Variants in OPCML observed in about 807,000 individuals in gnomAD.
OPCML encodes the protein opioid-binding protein/cell adhesion molecule.
OPCML carries 13 observed loss-of-function variants against 37.8 expected under a neutral mutation model. The observed-to-expected ratio is 0.34, with a 90% confidence interval of 0.22 to 0.55. The LOEUF (loss-of-function observed/expected upper bound fraction) is 0.55, where lower values mean the gene tolerates loss of function less well. Among genes scored for constraint, OPCML ranks in the 20% least tolerant of loss-of-function variants. OPCML has a pLI of 0.91. For synonymous variants in OPCML, 176 were observed against 168.8 expected (o/e 1.04, Z -0.33); for missense variants, 341 against 435.6 (o/e 0.78, Z 1.93).
intron 3 of OPCML, among the ~76,000 whole-genome samples, chr11:132,646,719 C>T (rs1171332263): frequency 3.3e-5 from 5 of 152,044 alleles, no homozygotes; most frequent in Non-Finnish European, 7.4e-5. Flanking sequence ...ATGGTGTTTC[C>T]ATGAATAGAA....
At chr11:132,551,138 G>C (rs561323802) in intron 3 of OPCML, among the ~76,000 whole-genome samples, 78 of 152,320 alleles carry the variant, frequency 5.1e-4, no homozygotes, top group Non-Finnish European at 9.4e-4. Context: ...CAATTCCCCT[G>C]TCTTGAACTT....
At chr11:132,455,802 T>TAC (rs1214425991) in intron 4 of OPCML, among the ~76,000 whole-genome samples, 1 of 126,518 alleles carries the variant, frequency 7.9e-6, no homozygotes, top group African/African-American at 3.0e-5. Flanking sequence ...TTCATTCATA[T>TAC]GTAAGGCATA....
At chr11:133,484,790 T>A (rs1378260432) in intron 1 of OPCML, among the ~76,000 whole-genome samples, 1 of 152,086 alleles carries the variant, frequency 6.6e-6, no homozygotes, top group African/African-American at 2.4e-5. Context: ...CAAAGATTTA[T>A]CAATGATAAG....
intron 1 of OPCML, among the ~76,000 whole-genome samples, chr11:133,051,608 CTA>C (rs1266220013): frequency 6.6e-6 from 1 of 152,194 alleles, no homozygotes; most frequent in Non-Finnish European, 1.5e-5. Flanking sequence ...CAGCACATGG[CTA>C]TCTCTTGATG....
At chr11:132,883,204 C>T (rs998619719) in intron 2 of OPCML, among the ~76,000 whole-genome samples, 1 of 151,554 alleles carries the variant, frequency 6.6e-6, no homozygotes, top group Non-Finnish European at 1.5e-5. Context: ...GAGAAGGCAG[C>T]AGTAAAATAG....
chr11:132,465,518 C>A (rs545251950), intron 4 of OPCML, among the ~76,000 whole-genome samples: 2 of 151,034 alleles, frequency 1.3e-5, no homozygotes, highest in South Asian at 2.1e-4. Flanking sequence ...TTTATTTAAT[C>A]AATTTTTCGA....
intron 3 of OPCML, among the ~76,000 whole-genome samples, chr11:132,595,010 T>C (rs1318922594): frequency 3.9e-5 from 6 of 152,216 alleles, no homozygotes; most frequent in Non-Finnish European, 7.3e-5. Flanking sequence ...CATTGAGTTG[T>C]TGGGCTACAT....
chr11:133,341,921 G>GA (rs140775649), intron 1 of OPCML, among the ~76,000 whole-genome samples: 10,944 of 147,016 alleles, frequency 0.074, 427 homozygotes, highest in African/African-American at 0.089. Context: ...CCATTTTGGG[G>GA]AAAAAAAAAA....
At chr11:133,042,617 T>C (rs1456890033) in intron 1 of OPCML, among the ~76,000 whole-genome samples, 2 of 152,182 alleles carry the variant, frequency 1.3e-5, no homozygotes, top group African/African-American at 4.8e-5. Context: ...GTAACACTGT[T>C]AGTGAGCGGT....
chr11:133,436,113 T>C (rs1946227755), intron 1 of OPCML, among the ~76,000 whole-genome samples: 1 of 152,100 alleles, frequency 6.6e-6, no homozygotes, highest in Non-Finnish European at 1.5e-5. Flanking sequence ...GTTTTAAAAC[T>C]AGCAATAAAT....
intron 1 of OPCML, among the ~76,000 whole-genome samples, chr11:133,487,434 G>A (rs1947553725): frequency 1.3e-5 from 2 of 152,078 alleles, no homozygotes; most frequent in South Asian, 4.1e-4. Flanking sequence ...TTGTGATCAG[G>A]TCTCAGCTAA....
At chr11:132,964,015 G>A (rs1247404575) in intron 1 of OPCML, among the ~76,000 whole-genome samples, 1 of 152,134 alleles carries the variant, frequency 6.6e-6, no homozygotes, top group African/African-American at 2.4e-5. Context: ...TCTGCAAGCA[G>A]CCATTGTGTG....
At chr11:133,438,431 T>C (rs1946289795) in intron 1 of OPCML, among the ~76,000 whole-genome samples, 1 of 152,058 alleles carries the variant, frequency 6.6e-6, no homozygotes, top group African/African-American at 2.4e-5. Flanking sequence ...CCAGTAAAAT[T>C]AAAGTATATC....
intron 1 of OPCML, among the ~76,000 whole-genome samples, chr11:132,968,140 G>T (rs956250435): frequency 1.3e-5 from 2 of 152,048 alleles, no homozygotes; most frequent in African/African-American, 2.4e-5. Context: ...TATTTTGGTG[G>T]GTGCTGATGT....
At chr11:132,894,887 C>T (rs1177479903) in intron 2 of OPCML, among the ~76,000 whole-genome samples, 1 of 152,184 alleles carries the variant, frequency 6.6e-6, no homozygotes, top group Non-Finnish European at 1.5e-5. Context: ...TCCAGGATCC[C>T]CAGCATGTAG....
chr11:132,876,037 A>C (rs1228261620), intron 2 of OPCML, among the ~76,000 whole-genome samples: 3 of 152,208 alleles, frequency 2.0e-5, no homozygotes, highest in African/African-American at 7.2e-5. Context: ...TACTTTGCAT[A>C]ATATTCTGTC....
intron 1 of OPCML, among the ~76,000 whole-genome samples, chr11:133,315,605 C>A (rs1413998477): frequency 6.6e-6 from 1 of 152,176 alleles, no homozygotes; most frequent in South Asian, 2.1e-4. Context: ...TTAAGACCAG[C>A]CTGGTCAACA....
At chr11:132,448,984 T>A (rs1373334504) in intron 4 of OPCML, among the ~76,000 whole-genome samples, 1 of 152,240 alleles carries the variant, frequency 6.6e-6, no homozygotes, top group Non-Finnish European at 1.5e-5. Flanking sequence ...ACCCAAATAA[T>A]TCCTTAAGTT....
intron 2 of OPCML, among the ~76,000 whole-genome samples, chr11:132,778,448 C>A (rs1008746000): frequency 6.6e-6 from 1 of 152,222 alleles, no homozygotes; most frequent in African/African-American, 2.4e-5. Flanking sequence ...AAATGCAAAT[C>A]ATGACCTCAA....
Sources: allele counts gnomAD v4.1 joint callset (sites outside exome capture counted in the v4.1 genomes callset), GRCh38; gene constraint gnomAD v4.1.1; transcripts MANE v1.5; gene names NCBI Gene and HGNC (gene_info 2026-07-23, HGNC 2026-07-21).